TPR: variants seen among roughly 807,000 people sequenced by gnomAD.
The protein encoded by TPR is nucleoprotein TPR.
TPR carries 51 observed loss-of-function variants against 316.1 expected under a neutral mutation model. That is an observed-to-expected ratio of 0.16 (90% CI 0.13 to 0.20). The LOEUF (loss-of-function observed/expected upper bound fraction) is 0.20. Ranked by LOEUF, TPR falls within the 10% of genes least tolerant of loss-of-function variation. The pLI is 1.00. For synonymous variants in TPR, 981 were observed against 914.7 expected (o/e 1.07, Z -1.31); for missense variants, 2,272 against 2,754.8 (o/e 0.82, Z 3.92).
rs750528266 is a variant in TPR at position 186,329,419 on chromosome 1, AAT to A, written c.5689-1761_5689-1760del. On this transcript the variant is annotated intron_variant, in intron 39 of 50. Coordinates refer to ENST00000367478, the MANE Select transcript of TPR (RefSeq NM_003292.3). ...AATTCTGGAATATTTGCATATCCAT[AAT>A]GAGACAGCTATAAGATGCAAGCATA... 6.6e-5 allele frequency among the ~76,000 whole-genome samples: 10 copies of A among 152,328 alleles called. No homozygotes were observed. In the East Asian group the frequency reaches 1.7e-3, roughly 26 times the overall value.
Position 186,312,451 on chromosome 1 carries a change from A to T in TPR, c.*1520T>A. 2 of 1,320,830 alleles carry T rather than the reference A, an allele frequency of 1.5e-6. No homozygotes were observed. Among genetic ancestry groups the T allele is most frequent in the Non-Finnish European group, 2.1e-6 (2 of 955,986 alleles). The allele number at this position is 1,320,830 out of a possible 1,614,324, so 81.8% of individuals were successfully genotyped here. A position where few individuals can be genotyped will look rare whatever the true frequency, so the allele number is the denominator to read the frequency against. ...GTTTCTTATACAGTAAGGCTTATGA[A>T]ATATGGATACTGATCAAACAGCCCT... On this transcript the variant is annotated 3_prime_UTR_variant, in exon 51 of 51. Transcript: ENST00000367478.
At chr1:186,361,120 G>T (rs1176405497) in intron 9 of TPR, among the ~76,000 whole-genome samples, 1 of 151,610 alleles carries the variant, frequency 6.6e-6, no homozygotes, top group Non-Finnish European at 1.5e-5. Context: ...TACCCACAAA[G>T]AAAATAAGGA....
Position 186,344,595 on chromosome 1 carries a change from C to G in TPR, c.3214-17G>C. On this transcript the variant is annotated splice_polypyrimidine_tract_variant and intron_variant, in intron 24 of 50. Transcript: ENST00000367478. ...TATTTTAGCCTATAAGAAATTATTA[C>G]CCAATTGATACCAAAGATTAAAAAT... 1 of 1,474,408 alleles carries G rather than the reference C, an allele frequency of 6.8e-7. No individual in the cohort carries two copies. Among genetic ancestry groups the G allele is most frequent in the Non-Finnish European group, 9.0e-7 (1 of 1,114,890 alleles). The allele number at this position is 1,474,408 out of a possible 1,614,324, so 91.3% of individuals were successfully genotyped here.
In TPR at chr1:186,313,047, CT is replaced by C. The variant is rs901526136; in HGVS notation, c.*923del. Reference sequence around the variant, plus strand: ...CTGTGGAAAAGAGTTAAGACTTTTGCTTTAATTTCAATTAAAATGATGGCAC... The same window carrying C: ...CTGTGGAAAAGAGTTAAGACTTTTGCTTAATTTCAATTAAAATGATGGCAC... On this transcript the variant is annotated 3_prime_UTR_variant, in exon 51 of 51. Transcript: ENST00000367478. 1.2e-6 allele frequency: 1 copy of C among 812,518 alleles called. No homozygotes were observed. Among genetic ancestry groups the C allele is most frequent in the African/African-American group, 1.7e-5 (1 of 57,826 alleles). The allele number at this position is 812,518 out of a possible 1,614,324, so 50.3% of individuals were successfully genotyped here.
rs780893736 is a variant in TPR at position 186,361,701 on chromosome 1, A to G, written c.879T>C (p.Ala293=). Residue 293 remains alanine (A), a synonymous_variant, in exon 9 of 51, where the codon GCT becomes GCC. Coordinates refer to ENST00000367478, the MANE Select transcript of TPR (RefSeq NM_003292.3). ...CATTGCTCTTTGCTTCTGAGTCATC[A>G]GCGGCACTCTAAAAGTTAATCTTAA... ...IKLSNLYKSA[A]DDSEAKSNEL... The G allele has an allele frequency of 6.2e-7, 1 of 1,613,398 alleles. No individual in the cohort carries two copies. Among genetic ancestry groups the G allele is most frequent in the East Asian group, 2.2e-5 (1 of 44,852 alleles).
At position 186,336,997 on chromosome 1, in the gene TPR, G is replaced by A; in HGVS notation, c.4506+16C>T. 1 of 1,613,424 alleles carries A rather than the reference G, an allele frequency of 6.2e-7. No individual in the cohort carries two copies. Among genetic ancestry groups the A allele is most frequent in the Non-Finnish European group, 8.5e-7 (1 of 1,179,604 alleles). On this transcript the variant is annotated intron_variant, in intron 32 of 50. Coordinates refer to ENST00000367478, the MANE Select transcript of TPR (RefSeq NM_003292.3). Reference sequence around the variant, plus strand: ...AACAGGAAAGAATTAGGAACAGACTGTTCTCACACTCATACCTTCTGCAGA... The same window carrying A: ...AACAGGAAAGAATTAGGAACAGACTATTCTCACACTCATACCTTCTGCAGA...
chr1:186,368,843 T>G (rs1017826781), intron 3 of TPR, among the ~76,000 whole-genome samples: 1 of 152,144 alleles, frequency 6.6e-6, no homozygotes, highest in Non-Finnish European at 1.5e-5. Flanking sequence ...TCAAGAACCT[T>G]TCCCCTATGT....
At chr1:186,355,185 G>A (rs775829495) in intron 17 of TPR, among the ~76,000 whole-genome samples, 1 of 152,080 alleles carries the variant, frequency 6.6e-6, no homozygotes, top group Non-Finnish European at 1.5e-5. Context: ...GATTACAGGC[G>A]TGAGCTGCTG....
chr1:186,339,035 T>C (rs1298225569), intron 30 of TPR, among the ~76,000 whole-genome samples: 1 of 152,188 alleles, frequency 6.6e-6, no homozygotes, highest in African/African-American at 2.4e-5. Context: ...ACACTAAAGC[T>C]TACAAAAGGT....
intron 39 of TPR, among the ~76,000 whole-genome samples, chr1:186,329,899 T>C (rs571876386): frequency 3.9e-5 from 6 of 152,276 alleles, no homozygotes; most frequent in South Asian, 2.1e-4. Context: ...TGTTTCAAGC[T>C]TAGGACAGTT....
Position 186,332,324 on chromosome 1 carries a change from A to G in TPR, c.5475T>C (p.Ser1825=). ...VFGTVSATPS[S]SLPKRTREEE... ...CTTCACGTGTACGCTTTGGCAAAGA[A>G]GAACTGGGGGTAGCCGAAACTTTGA... Residue 1825 remains serine, a synonymous_variant, in exon 38 of 51, where the codon TCT becomes TCC. Coordinates refer to ENST00000367478, the MANE Select transcript of TPR (RefSeq NM_003292.3). The G allele has an allele frequency of 1.2e-6, 2 of 1,612,530 alleles. No homozygotes were observed. The highest frequency in any genetic ancestry group is 1.1e-5 in the South Asian group (1 of 90,734).
intron 39 of TPR, among the ~76,000 whole-genome samples, chr1:186,329,150 A>C (rs892164550): frequency 6.6e-6 from 1 of 152,186 alleles, no homozygotes; most frequent in Non-Finnish European, 1.5e-5. Flanking sequence ...ATAAAAATCC[A>C]AATGGTATTT....
intron 41 of TPR, 60 bp downstream of exon 41, chr1:186,326,044 C>A: frequency 6.2e-7 from 1 of 1,605,024 alleles, no homozygotes; most frequent in South Asian, 1.1e-5. Context: ...CCTTGGAAAA[C>A]AGCAAGTGAA....
Position 186,355,464 on chromosome 1 carries a change from T to A in TPR, c.2117A>T (p.Asp706Val). 1 of 1,612,814 alleles carries A rather than the reference T, an allele frequency of 6.2e-7. No individual in the cohort carries two copies. Among genetic ancestry groups the A allele is most frequent in the Non-Finnish European group, 8.5e-7 (1 of 1,179,838 alleles). ...AATTTTGGTATTTTGTGATCGCAAA[T>A]CTGTAACTTGTTCTTGAAGTTTCTC... ...QLEKLQEQVT[D>V]LRSQNTKIST... Residue 706 changes from aspartate to valine, a missense_variant, in exon 17 of 51, where the codon GAT (aspartate) becomes GTT (valine). Transcript: ENST00000367478.
intron 47 of TPR, 52 bp from the exon 48 acceptor site, chr1:186,318,655 C>T: frequency 6.2e-7 from 1 of 1,603,812 alleles, no homozygotes. Context: ...TGGTTTATCA[C>T]ATTTTTAGCC....
At chr1:186,350,505 C>A in intron 20 of TPR, 117 bp from the exon 21 acceptor site, 2 of 746,380 alleles carry the variant, frequency 2.7e-6, no homozygotes, top group Non-Finnish European at 2.0e-6. Flanking sequence ...ACAGATTTAC[C>A]GTCACACCTG....
chr1:186,353,374 G>GA (rs1232037733), intron 18 of TPR, among the ~76,000 whole-genome samples: 220 of 108,790 alleles, frequency 2.0e-3, no homozygotes, highest in African/African-American at 5.9e-3. Flanking sequence ...TCTGTCTCAA[G>GA]AAAAAAAAAA....
At chr1:186,358,478 C>G in intron 13 of TPR, 65 bp downstream of exon 13, 1 of 1,270,026 alleles carries the variant, frequency 7.9e-7, no homozygotes. Context: ...TACCTTCAAA[C>G]AGATTCAAAG....
intron 30 of TPR, 112 bp from the exon 31 acceptor site, chr1:186,338,355 T>A (rs1658402367): frequency 1.2e-6 from 1 of 856,964 alleles, no homozygotes; most frequent in Non-Finnish European, 1.7e-6. Flanking sequence ...TTTTTGAAAA[T>A]CCTAAAAAAT....
Sources: allele counts gnomAD v4.1 joint callset (sites outside exome capture counted in the v4.1 genomes callset), GRCh38; gene constraint gnomAD v4.1.1; transcripts MANE v1.5; gene names NCBI Gene and HGNC (gene_info 2026-07-23, HGNC 2026-07-21).